The following EHMT2 variants were observed in gnomAD, a reference collection of about 807,000 sequenced individuals.
The protein encoded by EHMT2 is euchromatic histone lysine methyltransferase 2.
In EHMT2, 59 loss-of-function variants were observed where a neutral mutation model predicts 143.3. The observed-to-expected ratio is 0.41, with a 90% CI of 0.33 to 0.51. EHMT2 has a LOEUF of 0.51. Ranked by LOEUF, EHMT2 falls within the 20% of genes least tolerant of loss-of-function variation. EHMT2 has a pLI of 0.18. For missense variants in EHMT2, 1,174 were observed against 1,645.9 expected (o/e 0.71, Z 4.96); for synonymous variants, 604 against 651.5 (o/e 0.93, Z 1.11).
At chr6:31,895,445 G>A (rs17207755) in intron 4 of EHMT2, 2 of 151,618 alleles carry the variant, frequency 1.3e-5, no homozygotes, top group Non-Finnish European at 2.9e-5. Flanking sequence ...AGTGTGCCCA[G>A]AGTCAGCCTG....
chr6:31,880,155 G>A lies in EHMT2; in HGVS notation c.3562C>T (p.Arg1188Cys), dbSNP rs1416828264. ...GGGTGTGGGTCCAGGCGGGCCAGAC[G>A]GCTCTGCTCCAGGGCAATGGCTTCG... is the stretch of plus-strand genomic sequence containing the variant. The change falls in exon 28 of 28, where the codon CGT becomes TGT. Residue 1188 changes from arginine (R) to cysteine (C), a missense_variant. Transcript: ENST00000375537. This position sits in a 1 kb window ranked among gnomAD's most constrained non-coding sequence, Gnocchi z 6.6. The A allele has an allele frequency of 2.5e-6, 4 of 1,612,988 alleles. No homozygotes were observed. Among genetic ancestry groups the A allele is most frequent in the Admixed American group, 3.3e-5 (2 of 60,024 alleles).
chr6:31,892,479 C>A, exon 7 of EHMT2: 1 of 1,613,000 alleles, frequency 6.2e-7, no homozygotes. Flanking sequence ...CACCCACCAC[C>A]GTCTCCCACT....
chr6:31,897,505 G>T, intron 1 of EHMT2, 131 bp downstream of exon 1: 1 of 621,120 alleles, frequency 1.6e-6, no homozygotes, highest in Non-Finnish European at 2.1e-6. Flanking sequence ...CCCGGTGCTG[G>T]CCCCCTGGAT....
At chr6:31,892,850 G>T (rs1407635524) in exon 5 of EHMT2, 1 of 1,604,788 alleles carries the variant, frequency 6.2e-7, no homozygotes, top group South Asian at 1.1e-5. Context: ...CCCAGTGAGT[G>T]GACATCATCA....
At chr6:31,897,153 C>T in intron 1 of EHMT2, 164 bp from the exon 2 acceptor site, 1 of 1,354,032 alleles carries the variant, frequency 7.4e-7, no homozygotes, top group Non-Finnish European at 9.5e-7. Context: ...GGCCGCACGA[C>T]CCCTCCCCCG....
intron 1 of EHMT2, chr6:31,897,312 G>A (rs1303904882): frequency 5.0e-6 from 3 of 605,412 alleles, no homozygotes; most frequent in African/African-American, 3.9e-5. Flanking sequence ...CAGGCCGCGG[G>A]GACCCCGGGC....
At position 31,883,812 on chromosome 6, in the gene EHMT2, G is replaced by C; in HGVS notation, c.2910C>G (p.His970Gln). The C allele has an allele frequency of 6.2e-7, 1 of 1,613,892 alleles. No homozygotes were observed. Among genetic ancestry groups the C allele is most frequent in the Non-Finnish European group, 8.5e-7 (1 of 1,179,914 alleles). ...CCCCGGGCCCCCTACTCACCTGCAG[G>C]TGGGTGATGTTGCGATCGATGTTCA... Residue 970 changes from histidine (H) to glutamine (Q), a missense_variant, in exon 22 of 28, where the codon CAC becomes CAG. His to Gln is a conservative substitution (Grantham distance 24). Coordinates refer to ENST00000375537, the Ensembl canonical transcript of EHMT2. This position sits in a 1 kb window ranked among gnomAD's most constrained non-coding sequence, Gnocchi z 5.6.
chr6:31,883,530 T>C lies in EHMT2; in HGVS notation c.2917-91A>G. 2.3e-6 allele frequency: 3 copies of C among 1,320,144 alleles called. No homozygotes were observed. The highest frequency in any genetic ancestry group is 3.2e-6 in the Non-Finnish European group (3 of 935,640). The allele number at this position is 1,320,144 out of a possible 1,614,324, so 81.8% of individuals were successfully genotyped here. ...CCCCTGACCCCCTAACCACTGTCCT[T>C]TCTTTGGGGTCCATGTGTTACAACA... On this transcript the variant is annotated intron_variant, in intron 22 of 27. Transcript: ENST00000375537. This position sits in a 1 kb window ranked among gnomAD's most constrained non-coding sequence, Gnocchi z 5.6.
rs1317029873 is a variant in EHMT2 at position 31,889,263 on chromosome 6, C to T, written c.1079G>A (p.Arg360His). 4 of 1,611,586 alleles carry T rather than the reference C, an allele frequency of 2.5e-6. No individual in the cohort carries two copies. The highest frequency in any genetic ancestry group is 4.5e-5 in the East Asian group (2 of 44,822). The change falls in exon 9 of 28, where the codon CGC becomes CAC. Residue 360 changes from arginine (R) to histidine (H), a missense_variant. Arg to His is a conservative substitution (Grantham distance 29). Transcript: ENST00000375537. This position sits in a 1 kb window ranked among gnomAD's most constrained non-coding sequence, Gnocchi z 5.1. ...CTTGGCCCGCGGAGGCTCCCGCTTG[C>T]GCCGTTTCCGAGACGGCTTCACCCA...
At chr6:31,892,385 G>A (rs1765806128) in intron 7 of EHMT2, 22 bp downstream of exon 7, 1 of 1,608,718 alleles carries the variant, frequency 6.2e-7, no homozygotes, top group Non-Finnish European at 8.5e-7. Flanking sequence ...CCGGCGGGGA[G>A]GGCAGACCAG....
In EHMT2 at chr6:31,884,322, C is replaced by A; in HGVS notation, c.2771+70G>T. ...GGGGTTGGGGAATGTTGTGAGGATG[C>A]AATGGAGCCTGGGGAGGGTATGGGT... is the stretch of plus-strand genomic sequence containing the variant. On this transcript the variant is annotated intron_variant, in intron 21 of 27. Transcript: ENST00000375537. The surrounding 1 kb of genome is among the most constrained non-coding windows in gnomAD (Gnocchi z 7.3). 1 of 1,485,790 alleles carries A rather than the reference C, an allele frequency of 6.7e-7. No individual in the cohort carries two copies. The highest frequency in any genetic ancestry group is 2.3e-5 in the East Asian group (1 of 42,674). 92.0% of individuals were successfully genotyped at this position (1,485,790 alleles called of 1,614,324 possible). A position where few individuals can be genotyped will look rare whatever the true frequency, so the allele number is the denominator to read the frequency against.
chr6:31,892,357 C>CCCAG (rs1425644993), intron 7 of EHMT2, 50 bp downstream of exon 7: 2 of 1,596,572 alleles, frequency 1.3e-6, no homozygotes, highest in Admixed American at 3.5e-5. Context: ...GACAGTGAGC[C>CCCAG]CCAGCCCTGG....
chr6:31,897,548 G>A (rs1451887632), intron 1 of EHMT2, 88 bp downstream of exon 1: 4 of 992,100 alleles, frequency 4.0e-6, no homozygotes, highest in Non-Finnish European at 3.7e-6. Context: ...CCCCGGCCCC[G>A]TTGCACCCCC....
At position 31,889,690 on chromosome 6, in the gene EHMT2, GC is replaced by G; in HGVS notation, c.865-89del. 6.5e-7 allele frequency: 1 copy of G among 1,536,196 alleles called. No homozygotes were observed. Among genetic ancestry groups the G allele is most frequent in the Non-Finnish European group, 8.9e-7 (1 of 1,127,104 alleles). ...AAAACCACCACCACCATTGCCCCCC[GC>G]CACTACCCACGGATGGCTGCTGGGG... On this transcript the variant is annotated intron_variant, in intron 7 of 27. Transcript: ENST00000375537. The surrounding 1 kb of genome is among the most constrained non-coding windows in gnomAD (Gnocchi z 5.1).
chr6:31,880,058 C>T lies in EHMT2; in HGVS notation c.*26G>A, dbSNP rs200728345. On this transcript the variant is annotated 3_prime_UTR_variant, in exon 28 of 28. Coordinates refer to ENST00000375537, the Ensembl canonical transcript of EHMT2. This position sits in a 1 kb window ranked among gnomAD's most constrained non-coding sequence, Gnocchi z 6.6. ...GGCGGCTGAGCTGTGGCCATCCATG[C>T]TGGGGAGAGAGGGTGTGGTCCGTTC... The T allele has an allele frequency of 3.1e-3, 5,012 of 1,602,942 alleles. 30 individuals are homozygous for T. Among genetic ancestry groups the T allele is most frequent in the Middle Eastern group, 4.1e-3 (21 of 5,144 alleles).
exon 28 of EHMT2, chr6:31,879,969 G>A: frequency 8.4e-7 from 1 of 1,183,520 alleles, no homozygotes; most frequent in Non-Finnish European, 1.2e-6. Flanking sequence ...TGTGTGAAAG[G>A]GTGGTGGGGA....
chr6:31,896,264 T>TG lies in EHMT2; in HGVS notation c.580dup (p.Gln194ProfsTer6). On this transcript the variant is annotated frameshift_variant and splice_region_variant, in exon 4 of 28. Transcript: ENST00000375537. LOFTEE classifies it high-confidence loss of function. ...TCCCATCTCTCCCATCCCACTCACCTGTCCATTTCCTGGTTTGGACATGGT... is the reference window on the plus strand; with the variant it reads ...TCCCATCTCTCCCATCCCACTCACCTGGTCCATTTCCTGGTTTGGACATGGT... The TG allele has an allele frequency of 6.2e-7, 1 of 1,611,206 alleles. No individual in the cohort carries two copies. The highest frequency in any genetic ancestry group is 8.5e-7 in the Non-Finnish European group (1 of 1,178,648).
Position 31,896,587 on chromosome 6 carries a change from A to G in EHMT2, c.328+19T>C. On this transcript the variant is annotated intron_variant, in intron 3 of 27. Transcript: ENST00000375537. Reference sequence around the variant, plus strand: ...GTCAGAAATTTCCCACCAACCCCCCAGGCTACCCAGCCTCTCACCCAGCAG... The same window carrying G: ...GTCAGAAATTTCCCACCAACCCCCCGGGCTACCCAGCCTCTCACCCAGCAG... 1 of 1,588,146 alleles carries G rather than the reference A, an allele frequency of 6.3e-7. No homozygotes were observed. Among genetic ancestry groups the G allele is most frequent in the African/African-American group, 1.3e-5 (1 of 74,416 alleles).
Position 31,880,363 on chromosome 6 carries a change from C to T in EHMT2, c.3453-99G>A, listed in dbSNP as rs1763944056. 5 of 1,345,204 alleles carry T rather than the reference C, an allele frequency of 3.7e-6. No individual in the cohort carries two copies. Among genetic ancestry groups the T allele is most frequent in the Admixed American group, 2.1e-5 (1 of 46,866 alleles). 83.3% of individuals were successfully genotyped at this position (1,345,204 alleles called of 1,614,324 possible). A position where few individuals can be genotyped will look rare whatever the true frequency, so the allele number is the denominator to read the frequency against. On this transcript the variant is annotated intron_variant, in intron 27 of 27. Coordinates refer to ENST00000375537, the Ensembl canonical transcript of EHMT2. The surrounding 1 kb of genome is among the most constrained non-coding windows in gnomAD (Gnocchi z 6.6). ...CCTGCTCCCTGAGAGGGACCCGACA[C>T]CCAACCTATCTTCTCCAGATGGGAT...
Sources: allele counts gnomAD v4.1 joint callset, GRCh38; gene constraint gnomAD v4.1.1; non-coding constraint Gnocchi (gnomAD v3.1); transcripts MANE v1.5; gene names NCBI Gene and HGNC (gene_info 2026-07-23, HGNC 2026-07-21).